CASQ2: variants seen among roughly 807,000 people sequenced by gnomAD.
CASQ2 encodes calsequestrin-2.
Under a neutral mutation model 46.5 loss-of-function variants are expected in CASQ2, and 49 were observed. That is an observed-to-expected ratio of 1.05 (90% CI 0.84 to 1.34). The LOEUF (loss-of-function observed/expected upper bound fraction) is 1.34, where lower values mean the gene tolerates loss of function less well. Ranked by LOEUF, CASQ2 falls within the 40% of genes most tolerant of loss-of-function variation. The pLI, the probability that CASQ2 is intolerant of heterozygous loss-of-function variation, is 0.00. For synonymous variants in CASQ2, 174 were observed against 168.5 expected (o/e 1.03, Z -0.25); for missense variants, 486 against 481.3 (o/e 1.01, Z -0.09).
chr1:115,735,758 T>C (rs1647933983), intron 4 of CASQ2, among the ~76,000 whole-genome samples: 1 of 152,124 alleles, frequency 6.6e-6, no homozygotes, highest in Non-Finnish European at 1.5e-5. Context: ...CATTTGTCAA[T>C]GAAAAGAAAA....
intron 7 of CASQ2, 78 bp downstream of exon 7, chr1:115,725,430 G>T: frequency 1.3e-6 from 2 of 1,532,138 alleles, no homozygotes; most frequent in Admixed American, 3.4e-5. Flanking sequence ...TTTGAGTTTG[G>T]GGACTTAATC....
intron 4 of CASQ2, among the ~76,000 whole-genome samples, chr1:115,736,876 T>C (rs1266944653): frequency 1.3e-5 from 2 of 152,150 alleles, no homozygotes; most frequent in Non-Finnish European, 2.9e-5. Context: ...AATTAAGGCA[T>C]CCATATAAGC....
chr1:115,710,331 C>A (rs1373288752), intron 8 of CASQ2, among the ~76,000 whole-genome samples: 5 of 152,086 alleles, frequency 3.3e-5, no homozygotes, highest in African/African-American at 7.2e-5. Flanking sequence ...AATTAAGACC[C>A]AAGGAGAGCA....
chr1:115,715,689 A>G (rs1323901989), intron 8 of CASQ2, among the ~76,000 whole-genome samples: 2 of 152,214 alleles, frequency 1.3e-5, no homozygotes, highest in Non-Finnish European at 2.9e-5. Context: ...ATTATGGTAT[A>G]TGGATTATAT....
chr1:115,737,723 C>A (rs1181664084), intron 4 of CASQ2, among the ~76,000 whole-genome samples: 1 of 152,242 alleles, frequency 6.6e-6, no homozygotes, highest in Non-Finnish European at 1.5e-5. Context: ...AAGGGTGTGG[C>A]TGCACTATGA....
chr1:115,748,665 C>T (rs890489767), intron 1 of CASQ2, among the ~76,000 whole-genome samples: 3 of 152,194 alleles, frequency 2.0e-5, no homozygotes, highest in African/African-American at 7.2e-5. Flanking sequence ...CTGCAAGTCA[C>T]TTGGCTTCAC....
intron 5 of CASQ2, among the ~76,000 whole-genome samples, chr1:115,731,571 A>G (rs1029847786): frequency 6.6e-6 from 1 of 152,184 alleles, no homozygotes; most frequent in Non-Finnish European, 1.5e-5. Context: ...CTGGCTAACT[A>G]TTACTGAATG....
At position 115,701,256 on chromosome 1, in the gene CASQ2, G is replaced by A. The variant is rs7413162; in HGVS notation, c.1185C>T (p.Asp395=). 589,246 of 1,592,320 alleles carry A rather than the reference G, an allele frequency of 0.37. 108,018 individuals carry two copies. Among genetic ancestry groups the A allele is most frequent in the African/African-American group, 0.45 (33,819 of 74,574 alleles). ...SDEEDNDDSD[D]DDDE Reference sequence around the variant, plus strand: ...TGGAGTTGGGCTATTCATCATCATCGTCATCACTGTCATCATTATCCTCTT... The same window carrying A: ...TGGAGTTGGGCTATTCATCATCATCATCATCACTGTCATCATTATCCTCTT... Residue 395 remains aspartate, a synonymous_variant, in exon 11 of 11, where the codon GAC becomes GAT. Transcript: ENST00000261448.
chr1:115,751,249 T>C (rs1648569023), intron 1 of CASQ2, among the ~76,000 whole-genome samples: 1 of 152,154 alleles, frequency 6.6e-6, no homozygotes, highest in Non-Finnish European at 1.5e-5. Context: ...AATGCCATAG[T>C]GTAAAGTGTT....
At chr1:115,707,438 C>G (rs13374904) in intron 8 of CASQ2, among the ~76,000 whole-genome samples, 2 of 152,054 alleles carry the variant, frequency 1.3e-5, no homozygotes, top group African/African-American at 4.8e-5. Context: ...TGACAAACAC[C>G]GGAGACTGAC....
At chr1:115,762,028 A>G (rs1648981260) in intron 1 of CASQ2, among the ~76,000 whole-genome samples, 1 of 152,166 alleles carries the variant, frequency 6.6e-6, no homozygotes, top group Non-Finnish European at 1.5e-5. Flanking sequence ...CTAAAATGAG[A>G]CCTTCTTAAG....
intron 1 of CASQ2, among the ~76,000 whole-genome samples, chr1:115,750,896 C>CTGTAGGTATGTATTGCACCTACAGGA (rs1553196363): frequency 6.6e-6 from 1 of 150,982 alleles, no homozygotes; most frequent in African/African-American, 2.4e-5. Flanking sequence ...AGATTGTATC[C>CTGTAGGTATGTATTGCACCTACAGGA]TGTAGGTATG....
At chr1:115,720,524 G>A (rs1647332188) in intron 7 of CASQ2, among the ~76,000 whole-genome samples, 1 of 152,178 alleles carries the variant, frequency 6.6e-6, no homozygotes, top group Non-Finnish European at 1.5e-5. Flanking sequence ...ACCACCACCA[G>A]CAGAACAGGC....
In CASQ2 at chr1:115,718,910, G is replaced by T. The variant is rs574215466; in HGVS notation, c.784-1016C>A. Reference sequence around the variant, plus strand: ...GAGACTTGGGGAGGAATATGTGTGAGAAAGAGGCACCTGGGGACAAGGCCG... The same window carrying T: ...GAGACTTGGGGAGGAATATGTGTGATAAAGAGGCACCTGGGGACAAGGCCG... On this transcript the variant is annotated intron_variant, in intron 7 of 10. Transcript: ENST00000261448. Among the ~76,000 whole-genome samples the T allele has an allele frequency of 2.0e-5, 3 of 152,236 alleles. No homozygotes were observed. The East Asian group carries it at 5.8e-4, about 29-fold the overall frequency.
intron 1 of CASQ2, among the ~76,000 whole-genome samples, chr1:115,758,467 T>C (rs986470874): frequency 3.9e-5 from 6 of 152,226 alleles, no homozygotes; most frequent in African/African-American, 1.4e-4. Context: ...ACAAAGTCCC[T>C]GCCTTTGTGA....
At chr1:115,715,123 T>A (rs922432742) in intron 8 of CASQ2, among the ~76,000 whole-genome samples, 1 of 152,222 alleles carries the variant, frequency 6.6e-6, no homozygotes, top group African/African-American at 2.4e-5. Flanking sequence ...GGCAACTGCA[T>A]CTCTGTTCAC....
chr1:115,730,878 A>G (rs1209445217), intron 5 of CASQ2, among the ~76,000 whole-genome samples: 2 of 152,164 alleles, frequency 1.3e-5, no homozygotes, highest in East Asian at 3.9e-4. Flanking sequence ...TGTGTTGTAC[A>G]AACAGGTCCT....
chr1:115,716,326 C>G (rs1453731679), intron 8 of CASQ2, among the ~76,000 whole-genome samples: 1 of 152,208 alleles, frequency 6.6e-6, no homozygotes, highest in South Asian at 2.1e-4. Flanking sequence ...AGTTACCCAT[C>G]CATTTACAGG....
chr1:115,709,262 T>C (rs905271341), intron 8 of CASQ2, among the ~76,000 whole-genome samples: 1 of 152,232 alleles, frequency 6.6e-6, no homozygotes, highest in Admixed American at 6.5e-5. Flanking sequence ...AAACGTTCTC[T>C]GTGGATCCTC....
Sources: gnomAD v4.1 joint callset for allele counts (sites outside exome capture counted in the v4.1 genomes callset) on GRCh38, gnomAD v4.1.1 for gene constraint, MANE v1.5 for transcripts, NCBI Gene and HGNC (gene_info 2026-07-23, HGNC 2026-07-21) for gene names.